Variants in RIPOR2 observed in about 807,000 individuals in gnomAD.
RIPOR2 encodes the protein RHO family interacting cell polarization regulator 2.
A neutral mutation model predicts 114.5 loss-of-function variants in RIPOR2; 39 were observed. That is an observed-to-expected ratio of 0.34 (90% CI 0.26 to 0.44). RIPOR2 has a LOEUF of 0.44. Ranked by LOEUF, RIPOR2 falls within the 20% of genes least tolerant of loss-of-function variation. RIPOR2 has a pLI of 1.00. For missense variants in RIPOR2, 1,007 were observed against 1,255.1 expected (o/e 0.80, Z 2.99); for synonymous variants, 445 against 484.4 (o/e 0.92, Z 1.07).
At chr6:24,871,302 TA>T (rs1562292579) in intron 4 of RIPOR2, among the ~76,000 whole-genome samples, 2 of 152,258 alleles carry the variant, frequency 1.3e-5, no homozygotes, top group African/African-American at 2.4e-5. Context: ...GCATATGTGT[TA>T]AAAAATACCT....
At chr6:24,902,188 A>G (rs1265234943) in intron 1 of RIPOR2, among the ~76,000 whole-genome samples, 1 of 151,580 alleles carries the variant, frequency 6.6e-6, no homozygotes, top group African/African-American at 2.4e-5. Flanking sequence ...AGTCAATCCA[A>G]TTACTTTTTC....
chr6:24,991,601 G>T (rs1008046322), intron 1 of RIPOR2, among the ~76,000 whole-genome samples: 2 of 152,148 alleles, frequency 1.3e-5, no homozygotes, highest in African/African-American at 4.8e-5. Context: ...ATGGGTTTAG[G>T]TTTATGGAAT....
Position 24,994,071 on chromosome 6 carries a change from T to C in RIPOR2, c.76+47780A>G, listed in dbSNP as rs985433985. Among the ~76,000 whole-genome samples the C allele has an allele frequency of 3.3e-4, 50 of 152,180 alleles. 1 individual carries two copies. The highest frequency in any genetic ancestry group is 3.4e-4 in the Non-Finnish European group (23 of 68,026). On this transcript the variant is annotated intron_variant, in intron 1 of 13. Coordinates refer to the RIPOR2 transcript ENST00000510784. ...CTTTGGCTAAATGTATTGTTCTTTGTTAAAATGTAAGCTCCCAGACAAAGG... is the reference window on the plus strand; with the variant it reads ...CTTTGGCTAAATGTATTGTTCTTTGCTAAAATGTAAGCTCCCAGACAAAGG...
At chr6:25,020,540 A>G (rs756078078) in intron 1 of RIPOR2, among the ~76,000 whole-genome samples, 11 of 152,224 alleles carry the variant, frequency 7.2e-5, no homozygotes, top group Non-Finnish European at 1.6e-4. Flanking sequence ...GCCATTTGTA[A>G]TGAGATTCCA....
upstream of RIPOR2, among the ~76,000 whole-genome samples, chr6:24,936,696 G>A (rs900653872): frequency 5.3e-5 from 8 of 152,270 alleles, no homozygotes; most frequent in African/African-American, 1.9e-4. Flanking sequence ...GAGCTTCTAC[G>A]CGAGCACCAT....
chr6:24,928,591 G>A (rs1387204952), intron 1 of RIPOR2, among the ~76,000 whole-genome samples: 1 of 152,176 alleles, frequency 6.6e-6, no homozygotes, highest in Non-Finnish European at 1.5e-5. Context: ...CTGCTCTTAC[G>A]CTGTTGCTGT....
In RIPOR2 at chr6:24,852,717, C is replaced by G. The variant is rs545183767; in HGVS notation, c.716-99G>C. The G allele has an allele frequency of 2.5e-4, 230 of 916,266 alleles. No individual in the cohort carries two copies. The African/African-American group carries it at 3.8e-3, about 15-fold the overall frequency. The allele number at this position is 916,266 out of a possible 1,614,324, so 56.8% of individuals were successfully genotyped here. A position where few individuals can be genotyped will look rare whatever the true frequency, so the allele number is the denominator to read the frequency against. On this transcript the variant is annotated intron_variant, in intron 8 of 21. Coordinates refer to ENST00000643898, the MANE Select transcript of RIPOR2 (RefSeq NM_001286445.3). ...AAAGAATTCAAGTGAAGTGTCAGAACTTTGTGCAAACTCACATAACACTTT... is the reference window on the plus strand; with the variant it reads ...AAAGAATTCAAGTGAAGTGTCAGAAGTTTGTGCAAACTCACATAACACTTT...
chr6:25,001,930 G>A (rs944155409), intron 1 of RIPOR2, among the ~76,000 whole-genome samples: 1 of 151,428 alleles, frequency 6.6e-6, no homozygotes, highest in African/African-American at 2.4e-5. Context: ...GGACAGCCTC[G>A]ATCTCCTGAC....
upstream of RIPOR2, among the ~76,000 whole-genome samples, chr6:24,938,953 G>A (rs1771965216): frequency 6.6e-6 from 1 of 152,004 alleles, no homozygotes; most frequent in Non-Finnish European, 1.5e-5. Context: ...GACTTTGAAA[G>A]GTCTCAGAAA....
intron 1 of RIPOR2, among the ~76,000 whole-genome samples, chr6:24,934,621 A>T (rs1240097423): frequency 1.3e-5 from 2 of 152,198 alleles, no homozygotes; most frequent in Non-Finnish European, 2.9e-5. Context: ...TGTTCCTTTT[A>T]AAAAATTACT....
At chr6:24,942,533 T>G (rs1487816057) in intron 1 of RIPOR2, among the ~76,000 whole-genome samples, 1 of 152,170 alleles carries the variant, frequency 6.6e-6, no homozygotes, top group Non-Finnish European at 1.5e-5. Context: ...CCACCAACAG[T>G]GTAAAAGTGC....
chr6:24,986,879 C>A (rs547112672), intron 1 of RIPOR2, among the ~76,000 whole-genome samples: 1 of 151,354 alleles, frequency 6.6e-6, no homozygotes, highest in South Asian at 2.1e-4. Context: ...TGTCTTGGGC[C>A]ACACATAAAA....
At chr6:25,000,351 T>G (rs1775248323) in intron 1 of RIPOR2, among the ~76,000 whole-genome samples, 2 of 152,188 alleles carry the variant, frequency 1.3e-5, no homozygotes, top group Non-Finnish European at 2.9e-5. Context: ...TTCACCCATC[T>G]TCCTCCCCGA....
Position 24,931,342 on chromosome 6 carries a change from C to T in RIPOR2, c.61+4496G>A, listed in dbSNP as rs975202176. Among the ~76,000 whole-genome samples the T allele has an allele frequency of 2.0e-5, 3 of 152,162 alleles. No individual in the cohort carries two copies. In the East Asian group the frequency reaches 5.8e-4, roughly 29 times the overall value. ...TTTGTAGTCTTCTTGCTCCCTCTGA[C>T]CTGAAGTTCCCTTTGAAAAGGAAAA... On this transcript the variant is annotated intron_variant, in intron 1 of 21. Coordinates refer to ENST00000643898, the MANE Select transcript of RIPOR2 (RefSeq NM_001286445.3).
At chr6:24,940,476 G>A (rs1256600265), upstream of RIPOR2, among the ~76,000 whole-genome samples, 1 of 152,088 alleles carries the variant, frequency 6.6e-6, no homozygotes, top group Non-Finnish European at 1.5e-5. Flanking sequence ...TAGGAGAGAG[G>A]AATTGAAACT....
chr6:24,916,791 G>A (rs931263165), intron 1 of RIPOR2, among the ~76,000 whole-genome samples: 4 of 152,146 alleles, frequency 2.6e-5, no homozygotes, highest in African/African-American at 9.7e-5. Context: ...TGAGAAACTT[G>A]TTTGGCCAAC....
At chr6:24,824,619 G>C (rs1036230332) in intron 19 of RIPOR2, among the ~76,000 whole-genome samples, 1 of 152,210 alleles carries the variant, frequency 6.6e-6, no homozygotes, top group Non-Finnish European at 1.5e-5. Context: ...AGCTGAGGGA[G>C]AGATAAATTA....
At chr6:24,968,391 A>G (rs1288964515) in intron 1 of RIPOR2, among the ~76,000 whole-genome samples, 1 of 151,730 alleles carries the variant, frequency 6.6e-6, no homozygotes, top group Non-Finnish European at 1.5e-5. Flanking sequence ...TTCTACATTC[A>G]CTCCTGCTGG....
Position 24,873,735 on chromosome 6 carries a change from G to T in RIPOR2, c.253C>A (p.His85Asn). 4 of 1,613,444 alleles carry T rather than the reference G, an allele frequency of 2.5e-6. No individual in the cohort carries two copies. Among genetic ancestry groups the T allele is most frequent in the Non-Finnish European group, 3.4e-6 (4 of 1,179,674 alleles). Reference protein sequence around the residue: ...KKPQAKLKKMHNLGHKNNNPP... With the variant: ...KKPQAKLKKMNNLGHKNNNPP... ...TTGTTGTTTTTGTGGCCTAAATTGTGCATTTTCTTCAGTTTGGCCTGAGGC... is the reference window on the plus strand; with the variant it reads ...TTGTTGTTTTTGTGGCCTAAATTGTTCATTTTCTTCAGTTTGGCCTGAGGC... Residue 85 changes from histidine to asparagine, a missense_variant, in exon 3 of 22, where the codon CAC becomes AAC. Transcript: ENST00000643898.
Sources: gnomAD v4.1 joint callset for allele counts (sites outside exome capture counted in the v4.1 genomes callset) on GRCh38, gnomAD v4.1.1 for gene constraint, MANE v1.5 for transcripts, NCBI Gene and HGNC (gene_info 2026-07-23, HGNC 2026-07-21) for gene names.